The following ELMO1 variants were observed in gnomAD, a reference collection of about 807,000 sequenced individuals.
The protein encoded by ELMO1 is engulfment and cell motility 1, also known as engulfment and cell motility protein 1.
ELMO1 carries 26 observed loss-of-function variants against 98.9 expected under a neutral mutation model. The observed-to-expected ratio is 0.26, with a 90% CI of 0.19 to 0.36. The LOEUF (loss-of-function observed/expected upper bound fraction) is 0.36, where lower values mean the gene tolerates loss of function less well. ELMO1 is among the 10% of genes least tolerant of loss of function. The pLI is 1.00. For synonymous variants in ELMO1, 346 were observed against 346.0 expected (o/e 1.00, Z 0.00); for missense variants, 627 against 935.2 (o/e 0.67, Z 4.30).
At chr7:36,988,507 C>T (rs1227947979) in intron 16 of ELMO1, among the ~76,000 whole-genome samples, 1 of 152,178 alleles carries the variant, frequency 6.6e-6, no homozygotes, top group African/African-American at 2.4e-5. Flanking sequence ...CCTGCAGACT[C>T]TAATAGAGGA....
chr7:36,980,394 TG>T, intron 16 of ELMO1, among the ~76,000 whole-genome samples: 1 of 152,210 alleles, frequency 6.6e-6, no homozygotes, highest in African/African-American at 2.4e-5. Context: ...CAATGGAACA[TG>T]GGCGCCAGAA....
chr7:37,158,244 T>C (rs1584736534), intron 13 of ELMO1, among the ~76,000 whole-genome samples: 1 of 152,100 alleles, frequency 6.6e-6, no homozygotes, highest in African/African-American at 2.4e-5. Context: ...ACATAGGCAT[T>C]GGCAAAGACT....
At chr7:37,301,523 C>T (rs1256900776) in intron 4 of ELMO1, among the ~76,000 whole-genome samples, 4 of 152,040 alleles carry the variant, frequency 2.6e-5, no homozygotes, top group Non-Finnish European at 5.9e-5. Flanking sequence ...TTACGCCATT[C>T]CCAGAGACAG....
At chr7:37,192,436 A>C (rs1276299570) in intron 13 of ELMO1, among the ~76,000 whole-genome samples, 1 of 147,302 alleles carries the variant, frequency 6.8e-6, no homozygotes, top group East Asian at 2.1e-4. Context: ...AGGAGGTTGC[A>C]GTGAGCCAAG....
intron 20 of ELMO1, among the ~76,000 whole-genome samples, chr7:36,862,839 C>T (rs866270143): frequency 3.3e-5 from 5 of 152,212 alleles, no homozygotes; most frequent in Admixed American, 6.5e-5. Context: ...GGGAGCCAAT[C>T]TCTTCACATC....
intron 5 of ELMO1, among the ~76,000 whole-genome samples, chr7:37,261,139 C>T (rs576802853): frequency 1.3e-5 from 2 of 151,550 alleles, no homozygotes; most frequent in South Asian, 4.2e-4. Context: ...AGCCAAGTTT[C>T]CTAGCACTTT....
chr7:37,035,147 G>C (rs6945803), intron 15 of ELMO1, among the ~76,000 whole-genome samples: 31,458 of 152,120 alleles, frequency 0.21, 3,779 homozygotes, highest in Middle Eastern at 0.33. Context: ...TGTTCAGGCA[G>C]ATATCCTTTC....
At chr7:36,911,445 A>C (rs1784335533) in intron 16 of ELMO1, among the ~76,000 whole-genome samples, 1 of 152,198 alleles carries the variant, frequency 6.6e-6, no homozygotes, top group Non-Finnish European at 1.5e-5. Context: ...TTGGTAAATA[A>C]AAAGCAAGGC....
At chr7:37,101,076 C>T (rs551427424) in intron 14 of ELMO1, among the ~76,000 whole-genome samples, 8 of 152,366 alleles carry the variant, frequency 5.3e-5, no homozygotes, top group Non-Finnish European at 7.3e-5. Context: ...TTTCACACAA[C>T]ACTTTTACCA....
intron 6 of ELMO1, among the ~76,000 whole-genome samples, chr7:37,250,922 T>A (rs1453346247): frequency 1.3e-5 from 2 of 152,142 alleles, no homozygotes; most frequent in Non-Finnish European, 2.9e-5. Flanking sequence ...AGCGTAATTT[T>A]CCCATCACAT....
At chr7:37,246,096 G>A (rs572952866) in intron 6 of ELMO1, among the ~76,000 whole-genome samples, 7 of 152,268 alleles carry the variant, frequency 4.6e-5, no homozygotes, top group African/African-American at 1.2e-4. Flanking sequence ...GTCAATGAAC[G>A]CAGAGCAGAA....
chr7:37,430,401 T>C (rs950875884), intron 1 of ELMO1, among the ~76,000 whole-genome samples: 1 of 152,154 alleles, frequency 6.6e-6, no homozygotes, highest in African/African-American at 2.4e-5. Context: ...ATGAATGAAG[T>C]CCACAAATAG....
At chr7:37,240,390 C>T (rs1342970561) in intron 7 of ELMO1, among the ~76,000 whole-genome samples, 3 of 151,968 alleles carry the variant, frequency 2.0e-5, no homozygotes, top group African/African-American at 4.8e-5. Context: ...TAGTGATATT[C>T]CCTCTTTTAT....
intron 13 of ELMO1, among the ~76,000 whole-genome samples, chr7:37,203,656 G>GT (rs929294086): frequency 3.4e-4 from 51 of 150,978 alleles, no homozygotes; most frequent in Non-Finnish European, 6.8e-4. Flanking sequence ...ACAGGGAGTG[G>GT]TTTTTTAGAA....
At chr7:37,098,764 C>T (rs934084984) in intron 14 of ELMO1, among the ~76,000 whole-genome samples, 2 of 152,090 alleles carry the variant, frequency 1.3e-5, no homozygotes, top group African/African-American at 4.8e-5. Flanking sequence ...TTTATCTCCC[C>T]TCTAAATATT....
chr7:36,919,547 C>G (rs1784973804), intron 16 of ELMO1: 1 of 368,488 alleles, frequency 2.7e-6, no homozygotes, highest in East Asian at 7.5e-5. Context: ...TGGCATCAAC[C>G]TTGCTGGGTT....
At chr7:37,355,716 C>A (rs758046670) in intron 1 of ELMO1, among the ~76,000 whole-genome samples, 2 of 152,184 alleles carry the variant, frequency 1.3e-5, no homozygotes, top group Admixed American at 6.5e-5. Flanking sequence ...CCCTCCTGAC[C>A]ACAGGTCTAG....
intron 16 of ELMO1, chr7:36,919,543 C>A: frequency 2.6e-6 from 1 of 380,598 alleles, no homozygotes; most frequent in Non-Finnish European, 5.8e-6. Context: ...ATAATGGCAT[C>A]AACCTTGCTG....
At chr7:37,326,540 G>A (rs1467123757) in intron 2 of ELMO1, among the ~76,000 whole-genome samples, 2 of 135,700 alleles carry the variant, frequency 1.5e-5, no homozygotes, top group Non-Finnish European at 3.1e-5. Flanking sequence ...GGGCAACAGA[G>A]CAAGACTCCA....
Sources: allele counts gnomAD v4.1 joint callset (sites outside exome capture counted in the v4.1 genomes callset), GRCh38; gene constraint gnomAD v4.1.1; transcripts MANE v1.5; gene names NCBI Gene and HGNC (gene_info 2026-07-23, HGNC 2026-07-21).